Variants in PID1 observed in about 807,000 individuals in gnomAD.
The protein encoded by PID1 is phosphotyrosine interaction domain containing 1.
In PID1, 10 loss-of-function variants were observed where a neutral mutation model predicts 19.1. The ratio of observed to expected loss-of-function variants is 0.52; its 90% confidence interval spans 0.32 to 0.89. The LOEUF (loss-of-function observed/expected upper bound fraction) is 0.89, where lower values mean the gene tolerates loss of function less well. Ranked by LOEUF, PID1 falls within the 40% of genes least tolerant of loss-of-function variation. PID1 has a pLI of 0.03. For missense variants in PID1, 248 were observed against 285.3 expected (o/e 0.87, Z 0.94); for synonymous variants, 130 against 116.0 (o/e 1.12, Z -0.78).
In PID1 at chr2:229,184,139, G is replaced by GTATATCCCATATGTA. The variant is rs1385860920; in HGVS notation, c.31-28190_31-28176dup. 1.8e-3 allele frequency among the ~76,000 whole-genome samples: 15 copies of GTATATCCCATATGTA among 8,332 alleles called. 7 individuals carry two copies. In the African/African-American group the frequency reaches 0.019, roughly 11 times the overall value. 5.5% of individuals were successfully genotyped at this position (8,332 alleles called of 152,430 possible). On this transcript the variant is annotated intron_variant, in intron 1 of 2. Transcript: ENST00000392055. ...TATATCCCATATGTATATCCCATAT[G>GTATATCCCATATGTA]TATATCCCATATGTATATATCCCAT... is the stretch of plus-strand genomic sequence containing the variant.
Position 229,160,154 on chromosome 2 carries a change from C to T in PID1, c.31-4190G>A, listed in dbSNP as rs145886785. On this transcript the variant is annotated intron_variant, in intron 1 of 2. Coordinates refer to ENST00000392055, the MANE Select transcript of PID1 (RefSeq NM_001100818.2). ...ACACAGCAATTTTCTGAAGAGGGCA[C>T]GAGAAGTGGCCCTGCTTTCAGGAGG... Among the ~76,000 whole-genome samples, 1,292 of 152,230 alleles carry T rather than the reference C, an allele frequency of 8.5e-3. 17 individuals carry two copies. The highest frequency in any genetic ancestry group is 0.028 in the African/African-American group (1,163 of 41,524).
chr2:229,115,331 C>A (rs1289231826), intron 2 of PID1, among the ~76,000 whole-genome samples: 8 of 150,762 alleles, frequency 5.3e-5, no homozygotes, highest in African/African-American at 2.0e-4. Context: ...CACAGCCAGA[C>A]CCTGTCACTA....
chr2:229,171,252 T>C (rs1690707284), intron 1 of PID1, among the ~76,000 whole-genome samples: 1 of 152,180 alleles, frequency 6.6e-6, no homozygotes, highest in Non-Finnish European at 1.5e-5. Context: ...TCTTGGCAGT[T>C]TGGGAAGAAA....
At chr2:229,028,646 A>G (rs1693477558) in intron 2 of PID1, among the ~76,000 whole-genome samples, 1 of 152,248 alleles carries the variant, frequency 6.6e-6, no homozygotes. Flanking sequence ...AATAAAGAAA[A>G]TGTGGTACAT....
At chr2:229,079,086 A>G (rs1559223546) in intron 2 of PID1, among the ~76,000 whole-genome samples, 1 of 152,364 alleles carries the variant, frequency 6.6e-6, no homozygotes, top group East Asian at 1.9e-4. Context: ...AATTGAAAAA[A>G]GCAAAAAGTA....
At chr2:229,141,172 G>T (rs1046000982) in intron 2 of PID1, among the ~76,000 whole-genome samples, 3 of 152,036 alleles carry the variant, frequency 2.0e-5, no homozygotes, top group African/African-American at 7.2e-5. Flanking sequence ...AAGACACCAC[G>T]TTTTTGCAAC....
intron 1 of PID1, among the ~76,000 whole-genome samples, chr2:229,209,064 G>A (rs1691671359): frequency 6.6e-6 from 1 of 152,158 alleles, no homozygotes; most frequent in Admixed American, 6.5e-5. Flanking sequence ...AATAAAAAAG[G>A]GGGATTAACA....
chr2:229,076,657 T>C lies in PID1; in HGVS notation c.178-50549A>G, dbSNP rs186923817. ...GAACATACAGTGTTTGGTTTCCTGT[T>C]CCTACGTTAGTTTGCTGAGAATAAT... On this transcript the variant is annotated intron_variant, in intron 2 of 2. Transcript: ENST00000392055. Among the ~76,000 whole-genome samples, 1,148 of 152,234 alleles carry C rather than the reference T, an allele frequency of 7.5e-3. 17 individuals are homozygous for C. Among genetic ancestry groups the C allele is most frequent in the African/African-American group, 0.025 (1,058 of 41,520 alleles).
intron 2 of PID1, among the ~76,000 whole-genome samples, chr2:229,040,344 C>CA (rs1693746429): frequency 1.3e-5 from 2 of 151,412 alleles, no homozygotes; most frequent in African/African-American, 4.9e-5. Context: ...AACAAACAAA[C>CA]AAAGTAAAAA....
chr2:229,050,906 A>G (rs1693983599), intron 2 of PID1, among the ~76,000 whole-genome samples: 1 of 152,238 alleles, frequency 6.6e-6, no homozygotes, highest in African/African-American at 2.4e-5. Context: ...CCTTTTATGT[A>G]TCTCCTAATA....
chr2:229,131,138 GA>G (rs1224905767), intron 2 of PID1, among the ~76,000 whole-genome samples: 11 of 152,222 alleles, frequency 7.2e-5, no homozygotes, highest in African/African-American at 2.4e-4. Flanking sequence ...CTTCAATTCT[GA>G]GGGGTCACGA....
intron 2 of PID1, among the ~76,000 whole-genome samples, chr2:229,105,605 A>C (rs547040787): frequency 6.6e-6 from 1 of 152,172 alleles, no homozygotes; most frequent in Non-Finnish European, 1.5e-5. Flanking sequence ...CTGAACTCTC[A>C]TGTGTACAGT....
intron 1 of PID1, among the ~76,000 whole-genome samples, chr2:229,185,081 ACATATATATCC>A (rs1691096893): frequency 6.8e-6 from 1 of 146,590 alleles, no homozygotes; most frequent in South Asian, 2.1e-4. Flanking sequence ...TATATATCCT[ACATATATATCC>A]TATATATATC....
intron 1 of PID1, among the ~76,000 whole-genome samples, chr2:229,264,399 C>G (rs1209240891): frequency 6.6e-6 from 1 of 152,138 alleles, no homozygotes; most frequent in Non-Finnish European, 1.5e-5. Flanking sequence ...GGTATGTCAA[C>G]TCAGACCATT....
At chr2:229,220,762 C>T (rs1444945331) in intron 1 of PID1, among the ~76,000 whole-genome samples, 1 of 152,122 alleles carries the variant, frequency 6.6e-6, no homozygotes, top group African/African-American at 2.4e-5. Flanking sequence ...TTTTTATTCC[C>T]TTTGGAGTAA....
intron 2 of PID1, among the ~76,000 whole-genome samples, chr2:229,148,744 G>A (rs1263145644): frequency 6.6e-6 from 1 of 151,484 alleles, no homozygotes; most frequent in East Asian, 1.9e-4. Context: ...GGAAAGGAGG[G>A]AGGGAAAGAG....
chr2:229,126,759 C>A (rs1695630747), intron 2 of PID1, among the ~76,000 whole-genome samples: 1 of 152,222 alleles, frequency 6.6e-6, no homozygotes, highest in African/African-American at 2.4e-5. Flanking sequence ...CACATAATCC[C>A]AGTCAGCTAG....
At chr2:229,148,681 A>T (rs1271376425) in intron 2 of PID1, among the ~76,000 whole-genome samples, 1 of 151,282 alleles carries the variant, frequency 6.6e-6, no homozygotes, top group East Asian at 2.0e-4. Context: ...GTAGAAAAGA[A>T]GGAGGAAGAG....
intron 1 of PID1, among the ~76,000 whole-genome samples, chr2:229,242,985 T>C (rs903832868): frequency 1.3e-5 from 2 of 152,114 alleles, no homozygotes; most frequent in Non-Finnish European, 2.9e-5. Context: ...CAAATGCCTA[T>C]TCATCCTTAT....
Sources: allele counts gnomAD v4.1 joint callset (sites outside exome capture counted in the v4.1 genomes callset), GRCh38; gene constraint gnomAD v4.1.1; transcripts MANE v1.5; gene names NCBI Gene and HGNC (gene_info 2026-07-23, HGNC 2026-07-21).